Variants in PHTF1 observed in about 807,000 individuals in gnomAD.
PHTF1 encodes putative homeodomain transcription factor 1, also known as protein PHTF1.
In PHTF1, 88 loss-of-function variants were observed where a neutral mutation model predicts 102.4. The ratio of observed to expected loss-of-function variants is 0.86; its 90% CI spans 0.72 to 1.03. PHTF1 has a LOEUF of 1.03. Among genes scored for constraint, PHTF1 ranks in the 50% least tolerant of loss-of-function variants. The pLI is 0.00. For missense variants in PHTF1, 814 were observed against 909.5 expected (o/e 0.89, Z 1.35); for synonymous variants, 289 against 305.2 (o/e 0.95, Z 0.55).
intron 15 of PHTF1, among the ~76,000 whole-genome samples, chr1:113,701,383 C>T (rs1164381729): frequency 1.3e-5 from 2 of 152,132 alleles, no homozygotes; most frequent in African/African-American, 4.8e-5. Context: ...CTCCAAATAA[C>T]AATAGCAGCA....
chr1:113,738,820 A>C (rs760333373), intron 3 of PHTF1, 21 bp from the exon 4 acceptor site: 1 of 1,491,878 alleles, frequency 6.7e-7, no homozygotes, highest in South Asian at 1.2e-5. Context: ...ACAAAACAAA[A>C]ATAAAATCAG....
Position 113,704,766 on chromosome 1 carries a change from A to G in PHTF1, c.1703T>C (p.Ile568Thr). ...TTTCCTAGCTTTCCTGGCAGAAGTA[A>G]TATGGCTGAAGAGTTTTGCAAATAA... is the stretch of plus-strand genomic sequence containing the variant. ...RFLFAKLFSH[I>T]TSARKARKYE... The change falls in exon 14 of 19, where the codon ATT (isoleucine) becomes ACT (threonine). Residue 568 changes from isoleucine (I) to threonine (T), a missense_variant. Ile to Thr is a moderately conservative substitution (Grantham distance 89, BLOSUM62 -1). Transcript: ENST00000369604. The G allele has an allele frequency of 6.3e-7, 1 of 1,596,308 alleles. No homozygotes were observed. Among genetic ancestry groups the G allele is most frequent in the Non-Finnish European group, 8.6e-7 (1 of 1,164,900 alleles).
intron 12 of PHTF1, 96 bp downstream of exon 12, chr1:113,706,498 G>T: frequency 1.2e-6 from 1 of 864,956 alleles, no homozygotes; most frequent in Non-Finnish European, 1.7e-6. Context: ...TTCAAAAGCA[G>T]AGTCATACTG....
intron 7 of PHTF1, 67 bp downstream of exon 7, chr1:113,724,691 TG>T: frequency 7.9e-7 from 1 of 1,264,944 alleles, no homozygotes; most frequent in Non-Finnish European, 1.1e-6. Context: ...CTTACTCCTA[TG>T]GCCTGATGAT....
At chr1:113,724,480 G>A (rs907477671) in intron 7 of PHTF1, among the ~76,000 whole-genome samples, 1 of 150,480 alleles carries the variant, frequency 6.6e-6, no homozygotes, top group African/African-American at 2.5e-5. Flanking sequence ...GGCAGAGGTT[G>A]CAGTGAGCCA....
rs114632072 is a variant in PHTF1 at position 113,709,917 on chromosome 1, C to T, written c.1269+337G>A. ...CCATTTCCTAGTAATTCATATGTAACACTGTGATGTTCATGAAAATATAAG... is the reference window on the plus strand; with the variant it reads ...CCATTTCCTAGTAATTCATATGTAATACTGTGATGTTCATGAAAATATAAG... On this transcript the variant is annotated intron_variant, in intron 11 of 18. Transcript: ENST00000369604. Among the ~76,000 whole-genome samples the T allele has an allele frequency of 5.1e-3, 777 of 152,270 alleles. 12 individuals carry two copies. The highest frequency in any genetic ancestry group is 0.018 in the African/African-American group (746 of 41,554).
At chr1:113,740,264 C>G (rs1441313228) in intron 3 of PHTF1, among the ~76,000 whole-genome samples, 5 of 151,990 alleles carry the variant, frequency 3.3e-5, no homozygotes, top group African/African-American at 1.2e-4. Flanking sequence ...AATAGCCATT[C>G]TAATTAGGTT....
intron 17 of PHTF1, 126 bp downstream of exon 17, chr1:113,699,578 C>T: frequency 3.0e-6 from 2 of 677,226 alleles, no homozygotes; most frequent in Non-Finnish European, 5.4e-6. Context: ...CCTGATGCCA[C>T]TGTGGAAGAG....
At chr1:113,755,935 C>T (rs1481942140) in intron 3 of PHTF1, among the ~76,000 whole-genome samples, 9 of 151,688 alleles carry the variant, frequency 5.9e-5, no homozygotes, top group African/African-American at 1.2e-4. Flanking sequence ...GGCATGGTGG[C>T]GGGCCCCTGT....
chr1:113,711,028 T>C (rs1018123264), intron 10 of PHTF1, among the ~76,000 whole-genome samples: 2 of 152,070 alleles, frequency 1.3e-5, no homozygotes, highest in African/African-American at 4.8e-5. Flanking sequence ...TGCCATGTTA[T>C]GGAACTGATC....
At chr1:113,703,203 T>C (rs760988768) in intron 15 of PHTF1, among the ~76,000 whole-genome samples, 5 of 152,236 alleles carry the variant, frequency 3.3e-5, no homozygotes, top group Non-Finnish European at 4.4e-5. Flanking sequence ...AATGACAGAA[T>C]ACAAATCTTG....
rs1232380907 is a variant in PHTF1, at chr1:113,697,026, C to T, written c.*679G>A. Reference sequence around the variant, plus strand: ...ATGGAAATGGATGAGTAGGCATATACTTAAATTTTTCATGCTGAATTACAT... The same window carrying T: ...ATGGAAATGGATGAGTAGGCATATATTTAAATTTTTCATGCTGAATTACAT... On this transcript the variant is annotated 3_prime_UTR_variant, in exon 19 of 19. Coordinates refer to ENST00000369604, the MANE Select transcript of PHTF1 (RefSeq NM_001323043.2). The T allele has an allele frequency of 6.6e-6, 1 of 152,226 alleles. No individual in the cohort carries two copies. Among genetic ancestry groups the T allele is most frequent in the East Asian group, 1.9e-4 (1 of 5,262 alleles). 9.4% of individuals were successfully genotyped at this position (152,226 alleles called of 1,614,324 possible).
intron 3 of PHTF1, among the ~76,000 whole-genome samples, chr1:113,755,121 A>G (rs993412807): frequency 3.3e-5 from 5 of 151,982 alleles, no homozygotes; most frequent in African/African-American, 1.2e-4. Context: ...ATTATATAAC[A>G]GTACTGTGAT....
intron 6 of PHTF1, chr1:113,725,753 C>G (rs1653725970): frequency 1.3e-5 from 2 of 152,254 alleles, no homozygotes; most frequent in African/African-American, 4.8e-5. Flanking sequence ...CACCTGAGGT[C>G]AGGAGTTCTA....
chr1:113,758,666 T>C lies in PHTF1; in HGVS notation c.38A>G (p.Gln13Arg). The change falls in exon 2 of 19, where the codon CAA becomes CGA. Residue 13 changes from glutamine (Q) to arginine (R), a missense_variant. Gln to Arg is a conservative substitution (Grantham distance 43). Transcript: ENST00000369604. ...AATATATATATGTATTACCTTCTTT[T>C]GGTACCACGATATAGCATCTCTCTC... is the stretch of plus-strand genomic sequence containing the variant. ...SNERDAISWYQKKIGAYDQQI... is the reference protein window; with the variant it reads ...SNERDAISWYRKKIGAYDQQI... 1.3e-6 allele frequency: 2 copies of C among 1,591,762 alleles called. No individual in the cohort carries two copies.
intron 5 of PHTF1, 147 bp from the exon 6 acceptor site, chr1:113,726,721 A>G: frequency 1.8e-6 from 1 of 551,612 alleles, no homozygotes; most frequent in Non-Finnish European, 3.0e-6. Flanking sequence ...CCAGATGCAC[A>G]TTAGCCAAGT....
intron 7 of PHTF1, 81 bp downstream of exon 7, chr1:113,724,678 C>T: frequency 9.2e-7 from 1 of 1,082,344 alleles, no homozygotes; most frequent in South Asian, 1.9e-5. Flanking sequence ...TAAGTCTATA[C>T]TACTTACTCC....
At chr1:113,738,324 C>A in intron 4 of PHTF1, 56 bp from the exon 5 acceptor site, 1 of 1,328,886 alleles carries the variant, frequency 7.5e-7, no homozygotes, top group Non-Finnish European at 1.1e-6. Context: ...GTATTGAAGG[C>A]CACCTGTAGC....
At chr1:113,714,283 G>A (rs1259694490) in intron 7 of PHTF1, 1 of 152,110 alleles carries the variant, frequency 6.6e-6, no homozygotes, top group Non-Finnish European at 1.5e-5. Context: ...TTACAGGCAG[G>A]GTACAAGCTC....
Sources: allele counts gnomAD v4.1 joint callset (sites outside exome capture counted in the v4.1 genomes callset), GRCh38; gene constraint gnomAD v4.1.1; transcripts MANE v1.5; gene names NCBI Gene and HGNC (gene_info 2026-07-23, HGNC 2026-07-21).